PPME1: variants seen among roughly 807,000 people sequenced by gnomAD.
PPME1 encodes protein phosphatase methylesterase 1.
PPME1 carries 17 observed loss-of-function variants against 56.9 expected under a neutral mutation model. That is an observed-to-expected ratio of 0.30 (90% CI 0.20 to 0.45). PPME1 has a LOEUF of 0.45. Ranked by LOEUF, PPME1 falls within the 20% of genes least tolerant of loss-of-function variation. PPME1 has a pLI of 1.00. For synonymous variants in PPME1, 122 were observed against 156.2 expected (o/e 0.78, Z 1.63); for missense variants, 357 against 483.2 (o/e 0.74, Z 2.45).
intron 3 of PPME1, among the ~76,000 whole-genome samples, chr11:74,220,324 C>T (rs908481304): frequency 6.6e-6 from 1 of 152,118 alleles, no homozygotes; most frequent in Non-Finnish European, 1.5e-5. Context: ...CCAATCTTGT[C>T]TCTGTTCTCT....
intron 3 of PPME1, among the ~76,000 whole-genome samples, chr11:74,216,077 C>G (rs765883764): frequency 1.3e-5 from 2 of 152,152 alleles, no homozygotes; most frequent in Non-Finnish European, 2.9e-5. Flanking sequence ...TTCAATACCC[C>G]ACTTTCAGTG....
At chr11:74,241,643 T>C (rs950551405) in intron 9 of PPME1, among the ~76,000 whole-genome samples, 6 of 152,230 alleles carry the variant, frequency 3.9e-5, no homozygotes, top group African/African-American at 1.4e-4. Context: ...AGTATCCTTG[T>C]CAGCACTTGT....
At chr11:74,243,780 TTTC>T (rs1859436793) in intron 9 of PPME1, among the ~76,000 whole-genome samples, 1 of 150,036 alleles carries the variant, frequency 6.7e-6, no homozygotes. Context: ...CCTTTCTTTC[TTTC>T]TTTTTTTTTT....
At chr11:74,251,820 G>C (rs1224208269) in intron 13 of PPME1, 105 bp downstream of exon 13, 3 of 1,391,426 alleles carry the variant, frequency 2.2e-6, no homozygotes, top group African/African-American at 2.8e-5. Flanking sequence ...GCCTGGTTTG[G>C]TCACCATGCC....
At chr11:74,247,484 T>G (rs1464127617) in intron 11 of PPME1, 1 of 64,226 alleles carries the variant, frequency 1.6e-5, no homozygotes, top group Non-Finnish European at 2.7e-5. Flanking sequence ...TGTTTGTGGG[T>G]TTTTTTTTTT....
chr11:74,174,447 C>T (rs1857359889), intron 1 of PPME1, among the ~76,000 whole-genome samples: 1 of 152,182 alleles, frequency 6.6e-6, no homozygotes. Context: ...CTTTATGTCT[C>T]CTTATGCTTA....
chr11:74,221,293 C>T (rs564244257), intron 3 of PPME1, among the ~76,000 whole-genome samples: 2 of 152,224 alleles, frequency 1.3e-5, no homozygotes, highest in East Asian at 3.9e-4. Context: ...GCTTTACTGT[C>T]ACTAAATAAC....
At chr11:74,196,369 G>GT (rs890108375) in intron 1 of PPME1, among the ~76,000 whole-genome samples, 11 of 152,088 alleles carry the variant, frequency 7.2e-5, no homozygotes, top group Non-Finnish European at 1.3e-4. Flanking sequence ...ACTTCTCAGA[G>GT]TTTTATAGTT....
intron 9 of PPME1, among the ~76,000 whole-genome samples, chr11:74,242,589 A>G (rs1859389066): frequency 6.6e-6 from 1 of 152,060 alleles, no homozygotes; most frequent in Admixed American, 6.6e-5. Flanking sequence ...CAGCTAAGAA[A>G]ACAGTCTGGG....
At chr11:74,222,549 C>A in intron 4 of PPME1, 180 bp downstream of exon 4, 1 of 573,472 alleles carries the variant, frequency 1.7e-6, no homozygotes, top group Admixed American at 2.9e-5. Context: ...GGTGCAGTGG[C>A]ACAATCTCAG....
intron 1 of PPME1, among the ~76,000 whole-genome samples, chr11:74,181,395 G>A (rs747941515): frequency 5.9e-5 from 9 of 152,136 alleles, no homozygotes; most frequent in Non-Finnish European, 1.3e-4. Flanking sequence ...AGCACTTTCA[G>A]ACTACTTTAG....
chr11:74,178,185 T>C (rs1857444833), intron 1 of PPME1, among the ~76,000 whole-genome samples: 1 of 152,216 alleles, frequency 6.6e-6, no homozygotes, highest in African/African-American at 2.4e-5. Context: ...ACCTTATGGT[T>C]GCAGGATGGC....
intron 1 of PPME1, among the ~76,000 whole-genome samples, chr11:74,177,990 A>G (rs150471259): frequency 2.8e-3 from 434 of 152,326 alleles, no homozygotes; most frequent in Admixed American, 5.4e-3. Flanking sequence ...GCAACATTAT[A>G]TTGATGTGAA....
chr11:74,175,056 A>G (rs374885718), intron 1 of PPME1, among the ~76,000 whole-genome samples: 2 of 152,206 alleles, frequency 1.3e-5, no homozygotes, highest in East Asian at 3.8e-4. Context: ...CTCTGACTAA[A>G]GTAGATTTGA....
At chr11:74,220,835 A>G (rs1185367503) in intron 3 of PPME1, among the ~76,000 whole-genome samples, 2 of 152,178 alleles carry the variant, frequency 1.3e-5, no homozygotes, top group Non-Finnish European at 2.9e-5. Context: ...AAGTTGTACT[A>G]TTTGTGACAA....
chr11:74,229,427 C>A (rs1303678910), intron 5 of PPME1, among the ~76,000 whole-genome samples: 1 of 152,004 alleles, frequency 6.6e-6, no homozygotes. Context: ...GGAAGGCCTA[C>A]ATGCAATTAA....
intron 7 of PPME1, 193 bp from the exon 8 acceptor site, chr11:74,235,708 G>A (rs1591060860): frequency 2.4e-6 from 2 of 847,852 alleles, no homozygotes; most frequent in African/African-American, 1.7e-5. Flanking sequence ...TGGCTATGAT[G>A]TTTTTACTTA....
At position 74,174,370 on chromosome 11, in the gene PPME1, A is replaced by G. The variant is rs186331163; in HGVS notation, c.101+2848A>G. On this transcript the variant is annotated intron_variant, in intron 1 of 13. Transcript: ENST00000328257. ...AGTTGTGTATCTTACTCATTTGCAT[A>G]TAATCTAGGATTCAGTCTTTTTCTT... Among the ~76,000 whole-genome samples, 378 of 152,312 alleles carry G rather than the reference A, an allele frequency of 2.5e-3. 2 individuals carry two copies. Among genetic ancestry groups the G allele is most frequent in the African/African-American group, 8.6e-3 (358 of 41,568 alleles).
chr11:74,217,741 A>T (rs185130504), intron 3 of PPME1, among the ~76,000 whole-genome samples: 83 of 143,216 alleles, frequency 5.8e-4, no homozygotes, highest in Admixed American at 1.7e-3. Context: ...CCTTCATGAT[A>T]AAAAAAAAAA....
Sources: gnomAD v4.1 joint callset for allele counts (sites outside exome capture counted in the v4.1 genomes callset) on GRCh38, gnomAD v4.1.1 for gene constraint, MANE v1.5 for transcripts, NCBI Gene and HGNC (gene_info 2026-07-23, HGNC 2026-07-21) for gene names.